Variants in CACHD1 observed in about 807,000 individuals in gnomAD.
CACHD1 encodes the protein cache domain containing 1.
CACHD1 carries 71 observed loss-of-function variants against 138.7 expected under a neutral mutation model. The ratio of observed to expected loss-of-function variants is 0.51; its 90% confidence interval spans 0.42 to 0.62. The LOEUF (loss-of-function observed/expected upper bound fraction) is 0.62, where lower values mean the gene tolerates loss of function less well. Ranked by LOEUF, CACHD1 falls within the 20% of genes least tolerant of loss-of-function variation. The probability of loss-of-function intolerance (pLI) is 0.00; values close to 1 mark genes in which losing one functional copy is unlikely to be tolerated. For synonymous variants in CACHD1, 578 were observed against 591.5 expected (o/e 0.98, Z 0.33); for missense variants, 1,389 against 1,625.3 (o/e 0.85, Z 2.50).
At chr1:64,675,773 G>A (rs1649964885) in intron 20 of CACHD1, 124 bp from the exon 21 acceptor site, 2 of 714,852 alleles carry the variant, frequency 2.8e-6, no homozygotes, top group East Asian at 2.8e-5. Context: ...ACCTTTGGCT[G>A]TAACTTCTTT....
At chr1:64,526,580 G>A (rs565534412) in intron 1 of CACHD1, among the ~76,000 whole-genome samples, 1 of 152,208 alleles carries the variant, frequency 6.6e-6, no homozygotes, top group Non-Finnish European at 1.5e-5. Flanking sequence ...CTTGAGGAGG[G>A]GGGTGAGGAG....
At chr1:64,674,253 G>A (rs1184178058) in intron 19 of CACHD1, among the ~76,000 whole-genome samples, 1 of 152,122 alleles carries the variant, frequency 6.6e-6, no homozygotes, top group Non-Finnish European at 1.5e-5. Context: ...TAATAGAATG[G>A]TGTGTTCAAA....
At position 64,675,938 on chromosome 1, in the gene CACHD1, T is replaced by C. The variant is rs778122538; in HGVS notation, c.2930T>C (p.Leu977Pro). 2 of 1,528,434 alleles carry C rather than the reference T, an allele frequency of 1.3e-6. No individual in the cohort carries two copies. The highest frequency in any genetic ancestry group is 8.8e-7 in the Non-Finnish European group (1 of 1,134,974). The allele number at this position is 1,528,434 out of a possible 1,614,324, so 94.7% of individuals were successfully genotyped here. The part of the protein sequence containing the change: ...NECECPCECP[L>P]EVNECTGNLT... The stretch of plus-strand genomic sequence containing the variant: ...TGTGAATGTCCTTGTGAGTGCCCTC[T>C]AGAGGTCAATGAGTGCACTGGCAAC... Residue 977 changes from leucine (L) to proline (P), a missense_variant, in exon 21 of 27, where the codon CTA (leucine) becomes CCA (proline). Around this residue, in one of 5 missense-constraint regions of CACHD1, gnomAD observed 250 missense variants for 292.9 expected, o/e 0.85. Coordinates refer to ENST00000651257, the MANE Select transcript of CACHD1 (RefSeq NM_020925.4).
intron 1 of CACHD1, among the ~76,000 whole-genome samples, chr1:64,478,759 A>G (rs1427148934): frequency 6.6e-6 from 1 of 152,160 alleles, no homozygotes; most frequent in Non-Finnish European, 1.5e-5. Flanking sequence ...AACACAATGA[A>G]TGAAGTGGAC....
chr1:64,599,584 G>A (rs1647193851), intron 3 of CACHD1, among the ~76,000 whole-genome samples: 1 of 152,166 alleles, frequency 6.6e-6, no homozygotes, highest in Non-Finnish European at 1.5e-5. Flanking sequence ...ATAGATTATT[G>A]TTGACAAGTA....
At chr1:64,544,552 G>A (rs996873485) in intron 1 of CACHD1, among the ~76,000 whole-genome samples, 7 of 152,150 alleles carry the variant, frequency 4.6e-5, no homozygotes, top group African/African-American at 1.7e-4. Context: ...GGACTAAGGT[G>A]CAGCCAGTAC....
chr1:64,582,006 A>T, intron 2 of CACHD1, 150 bp from the exon 3 acceptor site: 1 of 832,264 alleles, frequency 1.2e-6, no homozygotes, highest in Non-Finnish European at 1.8e-6. Flanking sequence ...CTCAACCCAC[A>T]CAGGGGAATA....
chr1:64,480,980 A>T (rs1180677572), intron 1 of CACHD1, among the ~76,000 whole-genome samples: 1 of 151,998 alleles, frequency 6.6e-6, no homozygotes, highest in Non-Finnish European at 1.5e-5. Context: ...ATGTCATTTA[A>T]ATGTTTCTTT....
chr1:64,510,379 G>A (rs540829619), intron 1 of CACHD1, among the ~76,000 whole-genome samples: 211 of 152,296 alleles, frequency 1.4e-3, no homozygotes, highest in African/African-American at 4.9e-3. Flanking sequence ...GGCAGTATGT[G>A]TGTTACATAC....
chr1:64,634,170 T>G lies in CACHD1; in HGVS notation c.916T>G (p.Ser306Ala). The G allele has an allele frequency of 6.2e-7, 1 of 1,614,026 alleles. No individual in the cohort carries two copies. The highest frequency in any genetic ancestry group is 8.5e-7 in the Non-Finnish European group (1 of 1,180,002). Residue 306 changes from serine (S) to alanine (A), a missense_variant, in exon 7 of 27, where the codon TCT becomes GCT. Ser to Ala is a moderately conservative substitution (Grantham distance 99, BLOSUM62 1). This residue lies in a region of CACHD1 where 1,000 missense variants were observed against 1,114.7 expected (regional missense o/e 0.90). Transcript: ENST00000651257. ...KMSTFVSSVKSSDSPTQHAVG... is the reference protein window; with the variant it reads ...KMSTFVSSVKASDSPTQHAVG... The stretch of plus-strand genomic sequence containing the variant: ...GTCCACCTTTGTTAGCAGCGTGAAG[T>G]CTTCAGACAGTCCTACCCAGCACGC...
At position 64,658,763 on chromosome 1, in the gene CACHD1, A is replaced by G; in HGVS notation, c.1841A>G (p.Lys614Arg). The change falls in exon 13 of 27, where the codon AAA becomes AGA. Residue 614 changes from lysine to arginine, a missense_variant. Physicochemically the swap from Lys to Arg is conservative, Grantham distance 26 (BLOSUM62 2). Around this residue, in one of 5 missense-constraint regions of CACHD1, gnomAD observed 1,000 missense variants for 1,114.7 expected, o/e 0.90. Transcript: ENST00000651257. The stretch of plus-strand genomic sequence containing the variant: ...GTGATACAACCAGAAATACCTGTGA[A>G]ACAACTGAAGAACCTCAACACTGTT... ...IVVIQPEIPV[K>R]QLKNLNTVPS... The G allele has an allele frequency of 6.2e-7, 1 of 1,611,328 alleles. No individual in the cohort carries two copies. The highest frequency in any genetic ancestry group is 8.5e-7 in the Non-Finnish European group (1 of 1,178,512).
intron 2 of CACHD1, among the ~76,000 whole-genome samples, chr1:64,556,222 C>T (rs1042067390): frequency 1.3e-5 from 2 of 152,182 alleles, no homozygotes; most frequent in Admixed American, 1.3e-4. Context: ...TTTGAGGACT[C>T]AGTCTTCCTA....
At chr1:64,577,459 G>C (rs1173008390) in intron 2 of CACHD1, among the ~76,000 whole-genome samples, 2 of 152,150 alleles carry the variant, frequency 1.3e-5, no homozygotes, top group African/African-American at 4.8e-5. Context: ...TGTGGGGAGA[G>C]GGTTGATCTC....
intron 1 of CACHD1, among the ~76,000 whole-genome samples, chr1:64,480,821 T>G (rs960205171): frequency 5.3e-5 from 8 of 152,052 alleles, no homozygotes; most frequent in Non-Finnish European, 1.2e-4. Context: ...AATTGGATTT[T>G]ATGACCTACA....
chr1:64,686,240 A>G (rs116392721), intron 26 of CACHD1, among the ~76,000 whole-genome samples: 2,478 of 152,348 alleles, frequency 0.016, 88 homozygotes, highest in African/African-American at 0.056. Context: ...AGGAAACTCA[A>G]AAGAATTAAG....
chr1:64,602,822 A>G lies in CACHD1; in HGVS notation c.427A>G (p.Asn143Asp), dbSNP rs929783401. 1.2e-5 allele frequency: 19 copies of G among 1,612,086 alleles called. No individual in the cohort carries two copies. The highest frequency in any genetic ancestry group is 1.4e-5 in the Non-Finnish European group (17 of 1,178,506). ...PSMMEFDGNF[N>D]TNVSRTISCD... The stretch of plus-strand genomic sequence containing the variant: ...TTGTTTCAGATTCGATGGGAACTTT[A>G]ATACCAATGTGTCTAGAACAATTAG... Residue 143 changes from asparagine to aspartate, a missense_variant, in exon 4 of 27, where the codon AAT (asparagine) becomes GAT (aspartate). Physicochemically the swap from Asn to Asp is conservative, Grantham distance 23. Coordinates refer to ENST00000651257, the MANE Select transcript of CACHD1 (RefSeq NM_020925.4).
In CACHD1 at chr1:64,550,591, C is replaced by A; in HGVS notation, c.199-3C>A. The A allele has an allele frequency of 2.5e-6, 4 of 1,605,814 alleles. No homozygotes were observed. The highest frequency in any genetic ancestry group is 3.4e-6 in the Non-Finnish European group (4 of 1,172,980). On this transcript the variant is annotated splice_region_variant and splice_polypyrimidine_tract_variant and intron_variant, in intron 1 of 26. Transcript: ENST00000651257. ...TCTCATGTTCATTTTCTTTTCATTGCAGCGGATATTCAACTCCTTTGTTTA... is the reference window on the plus strand; with the variant it reads ...TCTCATGTTCATTTTCTTTTCATTGAAGCGGATATTCAACTCCTTTGTTTA...
intron 2 of CACHD1, among the ~76,000 whole-genome samples, chr1:64,551,996 A>G (rs570548793): frequency 2.0e-5 from 3 of 152,288 alleles, no homozygotes; most frequent in Admixed American, 1.3e-4. Flanking sequence ...GTGGGCGAAG[A>G]TTTCTGAACG....
At position 64,658,829 on chromosome 1, in the gene CACHD1, G is replaced by T; in HGVS notation, c.1907G>T (p.Gly636Val). 2.5e-6 allele frequency: 4 copies of T among 1,588,346 alleles called. No individual in the cohort carries two copies. The highest frequency in any genetic ancestry group is 3.4e-6 in the Non-Finnish European group (4 of 1,164,632). Reference protein sequence around the residue: ...KLLYHRLDLLGQPSACLHFKQ... With the variant: ...KLLYHRLDLLVQPSACLHFKQ... ...CTGTACCACCGGCTGGATCTCCTTG[G>T]CCAGCCCAGTGCTTGCCTCCACTTC... Residue 636 changes from glycine to valine, a missense_variant, in exon 13 of 27, where the codon GGC becomes GTC. Gly to Val is a moderately radical substitution (Grantham distance 109, BLOSUM62 -3). Coordinates refer to ENST00000651257, the MANE Select transcript of CACHD1 (RefSeq NM_020925.4).
Sources: gnomAD v4.1 joint callset for allele counts (sites outside exome capture counted in the v4.1 genomes callset) on GRCh38, gnomAD v4.1.1 for gene constraint, gnomAD v4.1.1 regional missense constraint, MANE v1.5 for transcripts, NCBI Gene and HGNC (gene_info 2026-07-23, HGNC 2026-07-21) for gene names.